DPP6: variants seen among roughly 807,000 people sequenced by gnomAD.
DPP6 encodes dipeptidyl peptidase like 6, also known as A-type potassium channel modulatory protein DPP6.
Under a neutral mutation model 122.6 loss-of-function variants are expected in DPP6, and 69 were observed. That is an observed-to-expected ratio of 0.56 (90% CI 0.46 to 0.69). DPP6 has a LOEUF of 0.69. Ranked by LOEUF, DPP6 falls within the 30% of genes least tolerant of loss-of-function variation. The probability of loss-of-function intolerance (pLI) is 0.00; values close to 1 mark genes in which losing one functional copy is unlikely to be tolerated. For synonymous variants in DPP6, 418 were observed against 433.1 expected, an observed-to-expected ratio of 0.97 and a Z score of 0.43; for missense variants, 928 against 1,116.9, an observed-to-expected ratio of 0.83 and a Z score of 2.41.
At chr7:154,826,327 C>T (rs1364752799) in intron 16 of DPP6, among the ~76,000 whole-genome samples, 2 of 152,180 alleles carry the variant, frequency 1.3e-5, no homozygotes, top group South Asian at 2.1e-4. Context: ...GGTGTATATT[C>T]TTGGTCAATA....
At chr7:154,767,835 ACT>A (rs2131541861) in intron 8 of DPP6, among the ~76,000 whole-genome samples, 1 of 151,788 alleles carries the variant, frequency 6.6e-6, no homozygotes, top group Non-Finnish European at 1.5e-5. Context: ...ATTTCAGGAG[ACT>A]CTACTGAGAT....
chr7:154,488,533 C>G (rs1048961917), intron 3 of DPP6, among the ~76,000 whole-genome samples: 1 of 151,838 alleles, frequency 6.6e-6, no homozygotes, highest in African/African-American at 2.4e-5. Context: ...CTGGGACTCT[C>G]TAACAGATGA....
At chr7:154,778,996 C>A (rs866203432) in intron 10 of DPP6, among the ~76,000 whole-genome samples, 41 of 76,948 alleles carry the variant, frequency 5.3e-4, no homozygotes, top group South Asian at 9.6e-4. Flanking sequence ...ATCACCTCCA[C>A]AACCTCCACC....
rs1836580773 is a variant in DPP6, at chr7:154,647,708, CATCTAAG to C, written c.680+9838_680+9844del. Among the ~76,000 whole-genome samples, 3 of 152,330 alleles carry C rather than the reference CATCTAAG, an allele frequency of 2.0e-5. No individual in the cohort carries two copies. In the South Asian group the frequency reaches 6.2e-4, roughly 32 times the overall value. On this transcript the variant is annotated intron_variant, in intron 6 of 25. Transcript: ENST00000377770. ...ACACGCCAGATGTTACAGGTCACTG[CATCTAAG>C]ATGGAAGGTGTTCTGTTTATTTATT...
intron 3 of DPP6, among the ~76,000 whole-genome samples, chr7:154,484,122 C>T (rs1823583863): frequency 6.6e-6 from 1 of 152,192 alleles, no homozygotes; most frequent in South Asian, 2.1e-4. Context: ...ACTAACCACA[C>T]TAATTTATAT....
At chr7:153,882,227 T>G (rs150201062), upstream of DPP6, among the ~76,000 whole-genome samples, 39 of 152,350 alleles carry the variant, frequency 2.6e-4, no homozygotes, top group East Asian at 4.2e-3. Flanking sequence ...TGAAAATTTA[T>G]GGGTAAATTA....
At chr7:154,389,967 A>G (rs939402729) in intron 1 of DPP6, among the ~76,000 whole-genome samples, 14 of 152,376 alleles carry the variant, frequency 9.2e-5, no homozygotes, top group Admixed American at 7.8e-4. Flanking sequence ...GCAATGTTCA[A>G]TTCTAAAGTG....
chr7:154,447,386 G>A (rs79522368), intron 2 of DPP6, among the ~76,000 whole-genome samples: 3,749 of 152,060 alleles, frequency 0.025, 135 homozygotes, highest in East Asian at 0.12. Flanking sequence ...TGTTTTATCC[G>A]TTCTCATGAT....
At chr7:154,439,899 G>A (rs1034853977) in intron 1 of DPP6, among the ~76,000 whole-genome samples, 1 of 152,174 alleles carries the variant, frequency 6.6e-6, no homozygotes, top group Non-Finnish European at 1.5e-5. Context: ...TGGATCCCAG[G>A]TGAGTCCATG....
At position 154,585,973 on chromosome 7, in the gene DPP6, C is replaced by G. The variant is rs76697661; in HGVS notation, c.627+19057C>G. On this transcript the variant is annotated intron_variant, in intron 5 of 25. Coordinates refer to ENST00000377770, the MANE Select transcript of DPP6 (RefSeq NM_130797.4). ...GGAGAGGAAGGCAGGGGAAGGCACT[C>G]CAGATGAAAGAACCCCCTAAGTGCA... 4.3e-3 allele frequency among the ~76,000 whole-genome samples: 654 copies of G among 152,132 alleles called. 9 individuals carry two copies. The highest frequency in any genetic ancestry group is 0.015 in the African/African-American group (604 of 41,506).
Position 154,883,931 on chromosome 7 carries a change from CACACGAGTACAT to C in DPP6, c.2134-1696_2134-1685del, listed in dbSNP as rs1306591739. On this transcript the variant is annotated intron_variant, in intron 21 of 25. Coordinates refer to ENST00000377770, the MANE Select transcript of DPP6 (RefSeq NM_130797.4). ...ACATGCTCACACACGCTCACACATA[CACACGAGTACAT>C]ACACGCTGACACATGCTCACACACA... 8.6e-5 allele frequency: 12 copies of C among 140,166 alleles called. No homozygotes were observed. In the East Asian group the frequency reaches 2.8e-3, roughly 32 times the overall value. The allele number at this position is 140,166 out of a possible 1,614,324, so 8.7% of individuals were successfully genotyped here.
intron 1 of DPP6, among the ~76,000 whole-genome samples, chr7:153,923,121 C>T (rs1226344095): frequency 2.0e-5 from 3 of 152,224 alleles, no homozygotes; most frequent in African/African-American, 7.2e-5. Flanking sequence ...GCCAAACAGC[C>T]AGGCAGTGGG....
chr7:154,222,000 T>C (rs1414434469), intron 1 of DPP6, among the ~76,000 whole-genome samples: 1 of 152,156 alleles, frequency 6.6e-6, no homozygotes, highest in Non-Finnish European at 1.5e-5. Flanking sequence ...TCAGTTACCA[T>C]GGGGATAGAA....
At chr7:154,016,244 T>G (rs1168098947) in intron 1 of DPP6, among the ~76,000 whole-genome samples, 1 of 152,200 alleles carries the variant, frequency 6.6e-6, no homozygotes, top group East Asian at 1.9e-4. Flanking sequence ...ATCAAGACAT[T>G]GAACAAGGAA....
chr7:154,447,262 C>T (rs989775161), intron 2 of DPP6, among the ~76,000 whole-genome samples: 27 of 152,012 alleles, frequency 1.8e-4, no homozygotes, highest in Non-Finnish European at 7.4e-5. Context: ...GCCATGATTG[C>T]GCCATTGCAC....
At chr7:154,607,940 A>G (rs1349328256) in intron 5 of DPP6, among the ~76,000 whole-genome samples, 2 of 117,676 alleles carry the variant, frequency 1.7e-5, no homozygotes, top group Non-Finnish European at 3.8e-5. Flanking sequence ...GTACTGGTAA[A>G]CTTGAACTAT....
chr7:153,978,932 G>A (rs2129036963), intron 1 of DPP6, among the ~76,000 whole-genome samples: 1 of 152,180 alleles, frequency 6.6e-6, no homozygotes, highest in East Asian at 1.9e-4. Flanking sequence ...ACAGTACCGT[G>A]CTGTTTTGGT....
intron 8 of DPP6, among the ~76,000 whole-genome samples, chr7:154,748,987 TGA>T: frequency 6.6e-6 from 1 of 151,980 alleles, no homozygotes; most frequent in Non-Finnish European, 1.5e-5. Context: ...GGGGCTTTAC[TGA>T]GAGAGGGTGA....
chr7:153,773,880 T>G, the DPP6 span, among the ~76,000 whole-genome samples: 31 of 138,560 alleles, frequency 2.2e-4, no homozygotes, highest in East Asian at 4.4e-4. Context: ...AAAAAGAAAA[T>G]AAAAAAATCA....
Sources: allele counts gnomAD v4.1 joint callset (sites outside exome capture counted in the v4.1 genomes callset), GRCh38; gene constraint gnomAD v4.1.1; transcripts MANE v1.5; gene names NCBI Gene and HGNC (gene_info 2026-07-23, HGNC 2026-07-21).